Variants in OSBPL1A observed in about 807,000 individuals in gnomAD.
OSBPL1A encodes the protein oxysterol-binding protein-related protein 1.
A neutral mutation model predicts 137.1 loss-of-function variants in OSBPL1A; 80 were observed. The observed-to-expected ratio is 0.58, with a 90% CI of 0.49 to 0.70. OSBPL1A has a LOEUF of 0.70. Ranked by LOEUF, OSBPL1A falls within the 30% of genes least tolerant of loss-of-function variation. The pLI, the probability that OSBPL1A is intolerant of heterozygous loss-of-function variation, is 0.00. For missense variants in OSBPL1A, 970 were observed against 1,129.4 expected (o/e 0.86, Z 2.02); for synonymous variants, 365 against 389.7 (o/e 0.94, Z 0.75).
chr18:24,167,111 A>G (rs548870897), intron 25 of OSBPL1A, among the ~76,000 whole-genome samples: 1 of 152,292 alleles, frequency 6.6e-6, no homozygotes, highest in African/African-American at 2.4e-5. Context: ...GTCCTAACCC[A>G]ACACATCCTC....
chr18:24,365,843 T>C (rs961401260), intron 4 of OSBPL1A, among the ~76,000 whole-genome samples: 2 of 152,184 alleles, frequency 1.3e-5, no homozygotes, highest in Admixed American at 6.5e-5. Flanking sequence ...CTACAGCAAG[T>C]AACACTAAAG....
intron 17 of OSBPL1A, among the ~76,000 whole-genome samples, chr18:24,209,091 T>C (rs1318850392): frequency 6.6e-6 from 1 of 152,140 alleles, no homozygotes; most frequent in Non-Finnish European, 1.5e-5. Context: ...AAAGACTCTG[T>C]TCAAACAAAG....
intron 21 of OSBPL1A, among the ~76,000 whole-genome samples, chr18:24,176,698 C>T (rs1383506334): frequency 6.6e-6 from 1 of 152,088 alleles, no homozygotes; most frequent in South Asian, 2.1e-4. Context: ...GCTTTCATTC[C>T]AGTGTCAGTT....
intron 21 of OSBPL1A, among the ~76,000 whole-genome samples, chr18:24,172,967 T>C (rs1053824814): frequency 1.3e-5 from 2 of 152,282 alleles, no homozygotes; most frequent in Non-Finnish European, 1.5e-5. Flanking sequence ...ACTGCAGCAC[T>C]GTTCACAACA....
chr18:24,332,106 T>G lies in OSBPL1A; in HGVS notation c.625+836A>C, dbSNP rs116331443. 4.3e-3 allele frequency among the ~76,000 whole-genome samples: 659 copies of G among 152,208 alleles called. 7 individuals are homozygous for G. The highest frequency in any genetic ancestry group is 0.015 in the African/African-American group (633 of 41,516). On this transcript the variant is annotated intron_variant, in intron 7 of 27. Coordinates refer to ENST00000319481, the MANE Select transcript of OSBPL1A (RefSeq NM_080597.4). ...AATGGCCCCAAGCGGCCAGGCATGG[T>G]GGCTTACATCTGTAATCCCAGCACT...
In OSBPL1A at chr18:24,279,395, C is replaced by G. The variant is rs1246716221; in HGVS notation, c.1281+1447G>C. Among the ~76,000 whole-genome samples, 3 of 152,022 alleles carry G rather than the reference C, an allele frequency of 2.0e-5. No individual in the cohort carries two copies. The East Asian group carries it at 5.8e-4, about 29-fold the overall frequency. ...AGTGAGCCATGACTGCGCTACTGTACTCCAGCCTGGGCAACAGAGTGAGAC... is the reference window on the plus strand; with the variant it reads ...AGTGAGCCATGACTGCGCTACTGTAGTCCAGCCTGGGCAACAGAGTGAGAC... On this transcript the variant is annotated intron_variant, in intron 15 of 27. Coordinates refer to ENST00000319481, the MANE Select transcript of OSBPL1A (RefSeq NM_080597.4).
chr18:24,271,659 C>CCCTGCGCTCCTCGCAAGCT lies in OSBPL1A; in HGVS notation c.1281+9164_1281+9182dup, dbSNP rs2089720778. The CCCTGCGCTCCTCGCAAGCT allele has an allele frequency of 1.0e-6, 1 of 985,758 alleles. No homozygotes were observed. Among genetic ancestry groups the CCCTGCGCTCCTCGCAAGCT allele is most frequent in the Non-Finnish European group, 1.2e-6 (1 of 830,276 alleles). The allele number at this position is 985,758 out of a possible 1,614,324, so 61.1% of individuals were successfully genotyped here. On this transcript the variant is annotated intron_variant, in intron 15 of 27. Transcript: ENST00000319481. This position sits in a 1 kb window ranked among gnomAD's most constrained non-coding sequence, Gnocchi z 4.0. ...CGAGGACCCCGGCTGGCGCGCTCCACCCTGCGCTCCTCGCAAGCTCCAGCG... is the reference window on the plus strand; with the variant it reads ...CGAGGACCCCGGCTGGCGCGCTCCACCCTGCGCTCCTCGCAAGCTCCTGCGCTCCTCGCAAGCTCCAGCG...
intron 9 of OSBPL1A, 68 bp from the exon 10 acceptor site, chr18:24,317,468 G>C (rs1188815206): frequency 8.3e-7 from 1 of 1,205,190 alleles, no homozygotes; most frequent in Non-Finnish European, 1.2e-6. Flanking sequence ...CTGATAAAAA[G>C]TAATTAAGTG....
rs149729038 is a variant in OSBPL1A, at chr18:24,369,564, C to A, written c.122-1192G>T. Among the ~76,000 whole-genome samples the A allele has an allele frequency of 9.9e-4, 150 of 152,258 alleles. 1 individual carries two copies. In the East Asian group the frequency reaches 0.018, roughly 18 times the overall value. Reference sequence around the variant, plus strand: ...GTACCTCACTTACATGATACACTGCCCTCAGCTCCTGGATTCCAGGATCTG... The same window carrying A: ...GTACCTCACTTACATGATACACTGCACTCAGCTCCTGGATTCCAGGATCTG... On this transcript the variant is annotated intron_variant, in intron 2 of 27. Coordinates refer to ENST00000319481, the MANE Select transcript of OSBPL1A (RefSeq NM_080597.4).
chr18:24,323,546 T>C (rs1223180856), intron 7 of OSBPL1A, among the ~76,000 whole-genome samples: 1 of 56,178 alleles, frequency 1.8e-5, no homozygotes, highest in South Asian at 4.4e-4. Flanking sequence ...TTTCTTTTTT[T>C]TTTTTTTTTT....
At chr18:24,312,997 GC>G (rs1410302391) in intron 12 of OSBPL1A, among the ~76,000 whole-genome samples, 1 of 151,192 alleles carries the variant, frequency 6.6e-6, no homozygotes, top group Non-Finnish European at 1.5e-5. Context: ...GGTGGTACAT[GC>G]CTGTAATCCC....
At chr18:24,318,875 A>G in intron 7 of OSBPL1A, 66 bp from the exon 8 acceptor site, 2 of 1,273,958 alleles carry the variant, frequency 1.6e-6, no homozygotes, top group Non-Finnish European at 1.1e-6. Context: ...CAATGCTGTA[A>G]CTGCAGCATC....
intron 13 of OSBPL1A, chr18:24,311,633 G>T: frequency 2.4e-6 from 1 of 413,590 alleles, no homozygotes; most frequent in Non-Finnish European, 3.4e-6. Flanking sequence ...TCTGAAATGT[G>T]CAGTGAAGTC....
chr18:24,377,368 G>C (rs1233231172), intron 2 of OSBPL1A, 45 bp downstream of exon 2: 1 of 1,577,114 alleles, frequency 6.3e-7, no homozygotes, highest in Non-Finnish European at 8.6e-7. Flanking sequence ...GCTAAGAGTA[G>C]TGCAGACTCA....
intron 17 of OSBPL1A, among the ~76,000 whole-genome samples, chr18:24,199,518 C>T (rs2087149931): frequency 6.6e-6 from 1 of 152,120 alleles, no homozygotes; most frequent in African/African-American, 2.4e-5. Flanking sequence ...ATGTAAACTC[C>T]ATGAGAACTC....
Position 24,193,017 on chromosome 18 carries a change from G to A in OSBPL1A, c.1677+3108C>T, listed in dbSNP as rs1599467420. On this transcript the variant is annotated intron_variant, in intron 18 of 27. Coordinates refer to ENST00000319481, the MANE Select transcript of OSBPL1A (RefSeq NM_080597.4). Reference sequence around the variant, plus strand: ...ACAACAGAGAGCAGGAAGAGCTAAGGCTCAGTATCAAATTTCCTCTTCCAC... The same window carrying A: ...ACAACAGAGAGCAGGAAGAGCTAAGACTCAGTATCAAATTTCCTCTTCCAC... Among the ~76,000 whole-genome samples, 4 of 152,242 alleles carry A rather than the reference G, an allele frequency of 2.6e-5. No individual in the cohort carries two copies. In the South Asian group the frequency reaches 8.3e-4, roughly 32 times the overall value.
chr18:24,228,450 T>G (rs547637835), intron 16 of OSBPL1A, among the ~76,000 whole-genome samples: 1 of 152,286 alleles, frequency 6.6e-6, no homozygotes, highest in East Asian at 1.9e-4. Flanking sequence ...CAATTCTTAT[T>G]TTGACTCATC....
In OSBPL1A at chr18:24,260,817, C is replaced by A. The variant is rs142685117; in HGVS notation, c.1281+20025G>T. ...GTTATGTGAATTCTATCCCATTTTT[C>A]CCCAAAGTTTAAAAGAACTCAAAAA... On this transcript the variant is annotated intron_variant, in intron 15 of 27. Transcript: ENST00000319481. Among the ~76,000 whole-genome samples the A allele has an allele frequency of 6.1e-4, 89 of 146,978 alleles. No homozygotes were observed. In the East Asian group the frequency reaches 0.012, roughly 20 times the overall value.
chr18:24,275,808 A>G (rs1339044957), intron 15 of OSBPL1A, among the ~76,000 whole-genome samples: 1 of 151,660 alleles, frequency 6.6e-6, no homozygotes, highest in Non-Finnish European at 1.5e-5. Flanking sequence ...GCTTACTGCA[A>G]TCTCTGCCTC....
Sources: allele counts gnomAD v4.1 joint callset (sites outside exome capture counted in the v4.1 genomes callset), GRCh38; gene constraint gnomAD v4.1.1; non-coding constraint Gnocchi (gnomAD v3.1); transcripts MANE v1.5; gene names NCBI Gene and HGNC (gene_info 2026-07-23, HGNC 2026-07-21).